HHAT: variants seen among roughly 807,000 people sequenced by gnomAD.
The protein encoded by HHAT is hedgehog acyltransferase.
In HHAT, 47 loss-of-function variants were observed where a neutral mutation model predicts 70.8. That is an observed-to-expected ratio of 0.66 (90% CI 0.53 to 0.85). The LOEUF (loss-of-function observed/expected upper bound fraction) is 0.85, where lower values mean the gene tolerates loss of function less well. Ranked by LOEUF, HHAT falls within the 40% of genes least tolerant of loss-of-function variation. The pLI, the probability that HHAT is intolerant of heterozygous loss-of-function variation, is 0.00. For synonymous variants in HHAT, 228 were observed against 247.6 expected (o/e 0.92, Z 0.74); for missense variants, 609 against 604.8 (o/e 1.01, Z -0.07).
chr1:210,525,251 G>A (rs1342637878), intron 9 of HHAT, among the ~76,000 whole-genome samples: 2 of 151,990 alleles, frequency 1.3e-5, no homozygotes, highest in African/African-American at 4.8e-5. Flanking sequence ...AAATCCACAA[G>A]GCTGGCTCAT....
intron 9 of HHAT, among the ~76,000 whole-genome samples, chr1:210,577,365 G>A (rs1214499466): frequency 6.6e-6 from 1 of 152,114 alleles, no homozygotes; most frequent in Non-Finnish European, 1.5e-5. Flanking sequence ...CGTACCTAGT[G>A]TGTTGGGAGT....
chr1:210,637,291 T>C (rs1198925033), intron 11 of HHAT, among the ~76,000 whole-genome samples: 1 of 152,118 alleles, frequency 6.6e-6, no homozygotes, highest in Non-Finnish European at 1.5e-5. Context: ...AAGACCAAAA[T>C]GTAAGAGCCA....
chr1:210,606,640 C>T (rs190482397), intron 10 of HHAT, among the ~76,000 whole-genome samples: 8 of 152,120 alleles, frequency 5.3e-5, no homozygotes, highest in African/African-American at 1.7e-4. Context: ...ATCCCTGTTT[C>T]TTTGTGCTGG....
chr1:210,466,442 T>C (rs1313875833), intron 8 of HHAT, among the ~76,000 whole-genome samples: 1 of 152,226 alleles, frequency 6.6e-6, no homozygotes, highest in Non-Finnish European at 1.5e-5. Context: ...CTGTTAACTT[T>C]TGATTTACTC....
intron 7 of HHAT, among the ~76,000 whole-genome samples, chr1:210,425,678 C>T (rs543563533): frequency 2.0e-4 from 31 of 152,122 alleles, no homozygotes; most frequent in African/African-American, 6.7e-4. Flanking sequence ...TCTGGGTTCT[C>T]TATTCTGTTT....
At chr1:210,493,269 T>C (rs1048345412) in intron 8 of HHAT, among the ~76,000 whole-genome samples, 1 of 151,780 alleles carries the variant, frequency 6.6e-6, no homozygotes, top group African/African-American at 2.4e-5. Context: ...TACATACATA[T>C]TTATATATAT....
intron 1 of HHAT, among the ~76,000 whole-genome samples, chr1:210,330,128 C>T (rs2147894272): frequency 6.6e-6 from 1 of 152,332 alleles, no homozygotes; most frequent in South Asian, 2.1e-4. Flanking sequence ...GGGAAGGCTT[C>T]ATTGAAGAGG....
chr1:210,569,373 C>CAAAAAAAAAAAAAAAAAAAAAAA lies in HHAT; in HGVS notation c.1044-18521_1044-18499dup. ...CGGGCGACAGAGCCAGAGTCTGCCT[C>CAAAAAAAAAAAAAAAAAAAAAAA]AAAAAAAAAAAAAAAAAAAAAAAAA... On this transcript the variant is annotated intron_variant, in intron 9 of 11. Coordinates refer to ENST00000261458, the MANE Select transcript of HHAT (RefSeq NM_018194.6). 2.2e-3 allele frequency among the ~76,000 whole-genome samples: 63 copies of CAAAAAAAAAAAAAAAAAAAAAAA among 28,344 alleles called. 19 individuals are homozygous for CAAAAAAAAAAAAAAAAAAAAAAA. The highest frequency in any genetic ancestry group is 2.8e-3 in the Non-Finnish European group (45 of 15,916). 18.6% of individuals were successfully genotyped at this position (28,344 alleles called of 152,430 possible). A position where few individuals can be genotyped will look rare whatever the true frequency, so the allele number is the denominator to read the frequency against.
At chr1:210,460,710 GA>G (rs1310878189) in intron 7 of HHAT, among the ~76,000 whole-genome samples, 1 of 152,216 alleles carries the variant, frequency 6.6e-6, no homozygotes, top group Admixed American at 6.5e-5. Context: ...GCTGGGATCT[GA>G]AGGATACATA....
rs906754836 is a variant in HHAT, at chr1:210,442,375, A to G, written c.857-22130A>G. 6.0e-4 allele frequency among the ~76,000 whole-genome samples: 85 copies of G among 142,480 alleles called. No individual in the cohort carries two copies. In the Middle Eastern group the frequency reaches 0.017, roughly 29 times the overall value. The allele number at this position is 142,480 out of a possible 152,430, so 93.5% of individuals were successfully genotyped here. ...CTTTGGGTATATACCCAGTAATGGGATGGCTGGGTCAAATGGTATTTCCAG... is the reference window on the plus strand; with the variant it reads ...CTTTGGGTATATACCCAGTAATGGGGTGGCTGGGTCAAATGGTATTTCCAG... On this transcript the variant is annotated intron_variant, in intron 7 of 11. Transcript: ENST00000261458.
chr1:210,387,111 G>A (rs1375894915), intron 3 of HHAT, among the ~76,000 whole-genome samples: 3 of 151,892 alleles, frequency 2.0e-5, no homozygotes, highest in Non-Finnish European at 4.4e-5. Context: ...AGTTCCTTAC[G>A]TCTCTGTTTC....
At chr1:210,338,951 CTTGAGCCCAGGAG>C (rs2085755696) in intron 1 of HHAT, among the ~76,000 whole-genome samples, 1 of 152,162 alleles carries the variant, frequency 6.6e-6, no homozygotes, top group Admixed American at 6.5e-5. Context: ...AGGAGGATCA[CTTGAGCCCAGGAG>C]TTAGAGCTGT....
chr1:210,514,791 GAT>G (rs2095026447), intron 9 of HHAT, among the ~76,000 whole-genome samples: 1 of 152,196 alleles, frequency 6.6e-6, no homozygotes, highest in Non-Finnish European at 1.5e-5. Context: ...CACTTACTTG[GAT>G]ATGTCTGGGA....
At chr1:210,377,342 G>A (rs955786512) in intron 3 of HHAT, among the ~76,000 whole-genome samples, 1 of 152,014 alleles carries the variant, frequency 6.6e-6, no homozygotes, top group Non-Finnish European at 1.5e-5. Flanking sequence ...CATATGCTGT[G>A]TAGAAAATAG....
chr1:210,534,092 T>G (rs910602047), intron 9 of HHAT, among the ~76,000 whole-genome samples: 4 of 152,180 alleles, frequency 2.6e-5, no homozygotes, highest in Non-Finnish European at 4.4e-5. Flanking sequence ...CTAGCTGCCA[T>G]GCACTGGGGT....
chr1:210,623,280 C>T (rs532881392), intron 10 of HHAT, among the ~76,000 whole-genome samples: 4 of 152,220 alleles, frequency 2.6e-5, no homozygotes, highest in African/African-American at 9.6e-5. Context: ...CACTATGTTG[C>T]CTAGGCTGGT....
intron 7 of HHAT, among the ~76,000 whole-genome samples, chr1:210,426,262 C>G (rs1253712996): frequency 6.6e-6 from 1 of 152,162 alleles, no homozygotes; most frequent in South Asian, 2.1e-4. Context: ...ATGGCATTTT[C>G]TCAACATCGA....
chr1:210,400,792 G>A (rs149363635), intron 5 of HHAT, 130 bp downstream of exon 5: 13 of 792,568 alleles, frequency 1.6e-5, no homozygotes, highest in African/African-American at 3.5e-5. Context: ...CATAGTGGCC[G>A]TACAGGGTTG....
At chr1:210,551,381 A>G (rs1302684245) in intron 9 of HHAT, among the ~76,000 whole-genome samples, 2 of 149,058 alleles carry the variant, frequency 1.3e-5, no homozygotes, top group African/African-American at 5.0e-5. Flanking sequence ...ATTTAGAGAC[A>G]GTGCAGATTT....
Sources: gnomAD v4.1 joint callset for allele counts (sites outside exome capture counted in the v4.1 genomes callset) on GRCh38, gnomAD v4.1.1 for gene constraint, MANE v1.5 for transcripts, NCBI Gene and HGNC (gene_info 2026-07-23, HGNC 2026-07-21) for gene names.